The following TNRC6A variants were observed in gnomAD, a reference collection of about 807,000 sequenced individuals.
The protein encoded by TNRC6A is trinucleotide repeat containing adaptor 6A.
Under a neutral mutation model 221.2 loss-of-function variants are expected in TNRC6A, and 44 were observed. The ratio of observed to expected loss-of-function variants is 0.20; its 90% CI spans 0.16 to 0.26. The LOEUF is 0.26. TNRC6A is among the 10% of genes least tolerant of loss of function. TNRC6A has a pLI of 1.00. For synonymous variants in TNRC6A, 847 were observed against 838.5 expected (o/e 1.01, Z -0.18); for missense variants, 2,199 against 2,404.4 (o/e 0.91, Z 1.79).
intron 1 of TNRC6A, 122 bp downstream of exon 1, chr16:24,729,968 G>A (rs2056584260): frequency 2.2e-6 from 2 of 908,174 alleles, no homozygotes; most frequent in Non-Finnish European, 2.8e-6. Context: ...TTCGGGCCTC[G>A]GCGGGAGGGC....
intron 4 of TNRC6A, among the ~76,000 whole-genome samples, chr16:24,760,796 A>G (rs2057347188): frequency 6.6e-6 from 1 of 152,190 alleles, no homozygotes; most frequent in Non-Finnish European, 1.5e-5. Context: ...GACTTCTCAT[A>G]TACGCTTCAT....
At chr16:24,697,069 C>T (rs2055880089) in intron 2 of TNRC6A, among the ~76,000 whole-genome samples, 1 of 152,100 alleles carries the variant, frequency 6.6e-6, no homozygotes, top group African/African-American at 2.4e-5. Flanking sequence ...TTTCAGAAAG[C>T]TAGGAGGATT....
At chr16:24,708,237 T>G (rs2056135457) in intron 2 of TNRC6A, among the ~76,000 whole-genome samples, 1 of 137,266 alleles carries the variant, frequency 7.3e-6, no homozygotes, top group African/African-American at 2.9e-5. Context: ...TTTGATTACA[T>G]GGATGAGTTT....
chr16:24,689,202 C>T (rs969850606), intron 2 of TNRC6A, among the ~76,000 whole-genome samples: 3 of 152,188 alleles, frequency 2.0e-5, no homozygotes, highest in Non-Finnish European at 4.4e-5. Context: ...GGGTTGGCAT[C>T]CAACCACTTG....
chr16:24,760,722 T>G (rs553321214), intron 4 of TNRC6A, among the ~76,000 whole-genome samples: 3 of 150,028 alleles, frequency 2.0e-5, no homozygotes, highest in South Asian at 2.2e-4. Flanking sequence ...GGTGGTGGTG[T>G]TTACTAAACT....
chr16:24,739,462 G>C, intron 2 of TNRC6A, among the ~76,000 whole-genome samples: 1 of 146,152 alleles, frequency 6.8e-6, no homozygotes, highest in Non-Finnish European at 1.5e-5. Flanking sequence ...TTCCTATTTT[G>C]TGGCTTTTCC....
Position 24,822,858 on chromosome 16 carries a change from C to T in TNRC6A, c.5374-16C>T. ...CGGTGACGCCTCTCACTGGCAGTTTCCACACTGTTTCCTAGATCGATGGCT... is the reference window on the plus strand; with the variant it reads ...CGGTGACGCCTCTCACTGGCAGTTTTCACACTGTTTCCTAGATCGATGGCT... On this transcript the variant is annotated splice_polypyrimidine_tract_variant and intron_variant, in intron 23 of 24. Transcript: ENST00000395799. The T allele has an allele frequency of 6.2e-7, 1 of 1,612,730 alleles. No homozygotes were observed. The highest frequency in any genetic ancestry group is 2.2e-5 in the East Asian group (1 of 44,872).
chr16:24,731,886 C>G (rs1402519272), intron 2 of TNRC6A, among the ~76,000 whole-genome samples: 1 of 152,192 alleles, frequency 6.6e-6, no homozygotes, highest in Non-Finnish European at 1.5e-5. Flanking sequence ...ATAAAACGAG[C>G]GGCGTGGGCC....
intron 4 of TNRC6A, among the ~76,000 whole-genome samples, chr16:24,760,776 A>G (rs1266516981): frequency 6.6e-6 from 1 of 152,326 alleles, no homozygotes; most frequent in South Asian, 2.1e-4. Context: ...AGTTGGAAAG[A>G]TAGTACAGAG....
At chr16:24,649,827 T>C (rs1036960864) in intron 2 of TNRC6A, among the ~76,000 whole-genome samples, 8 of 138,718 alleles carry the variant, frequency 5.8e-5, no homozygotes, top group Non-Finnish European at 1.1e-4. Context: ...TTTTTTTTTT[T>C]TTTTTTTTTT....
At chr16:24,805,530 A>G in intron 14 of TNRC6A, 75 bp from the exon 15 acceptor site, 1 of 1,574,990 alleles carries the variant, frequency 6.3e-7, no homozygotes, top group Non-Finnish European at 8.6e-7. Context: ...TCTATTGACA[A>G]CTGAAAACAC....
chr16:24,651,879 G>T (rs1043708160), intron 2 of TNRC6A, among the ~76,000 whole-genome samples: 3 of 149,940 alleles, frequency 2.0e-5, no homozygotes, highest in African/African-American at 7.4e-5. Context: ...AGGGAGGATC[G>T]CTTGAGGTCA....
chr16:24,624,043 A>G (rs552264586), intron 1 of TNRC6A, among the ~76,000 whole-genome samples: 1 of 151,896 alleles, frequency 6.6e-6, no homozygotes, highest in East Asian at 1.9e-4. Flanking sequence ...CACTGGCTGT[A>G]GGTCACATAC....
At position 24,777,029 on chromosome 16, in the gene TNRC6A, G is replaced by A. The variant is rs200261989; in HGVS notation, c.260G>A (p.Arg87Gln). The A allele has an allele frequency of 2.6e-5, 42 of 1,613,880 alleles. No homozygotes were observed. Among genetic ancestry groups the A allele is most frequent in the African/African-American group, 2.3e-4 (17 of 74,972 alleles). Residue 87 changes from arginine (R) to glutamine (Q), a missense_variant, in exon 5 of 25, where the codon CGA becomes CAA. Transcript: ENST00000395799. ...ACCAGCACTAATAATAATGCCAAGC[G>A]AGCTACAGCCAACAATCAGCAGCCA... ...TATSTNNNAK[R>Q]ATANNQQPQQ...
chr16:24,610,847 G>T (rs888879866), intron 1 of TNRC6A, among the ~76,000 whole-genome samples: 3 of 151,366 alleles, frequency 2.0e-5, no homozygotes, highest in African/African-American at 7.3e-5. Context: ...ATCTCGCTCC[G>T]TCGCCCAGGC....
intron 20 of TNRC6A, among the ~76,000 whole-genome samples, chr16:24,818,250 G>A (rs1369413790): frequency 6.6e-6 from 1 of 152,144 alleles, no homozygotes; most frequent in African/African-American, 2.4e-5. Flanking sequence ...GGGCGAGTTA[G>A]CACCAAGACT....
chr16:24,665,536 A>G (rs908119517), intron 2 of TNRC6A, among the ~76,000 whole-genome samples: 2 of 152,226 alleles, frequency 1.3e-5, no homozygotes, highest in African/African-American at 4.8e-5. Flanking sequence ...AGTCATAACA[A>G]TAGTCTTGTT....
rs35474263 is a variant in TNRC6A, at chr16:24,791,026, C to A, written c.2384C>A (p.Ser795Tyr). 2.5e-3 allele frequency: 3,970 copies of A among 1,591,096 alleles called. 6 individuals carry two copies. Among genetic ancestry groups the A allele is most frequent in the Non-Finnish European group, 3.3e-3 (3,818 of 1,168,520 alleles). ...AAACCTGCTCTGAGGTGGGGAGATT[C>A]CAAAGGCTCAAACTGCCAGGGGGGG... Reference protein sequence around the residue: ...DPKPALRWGDSKGSNCQGGWE... With the variant: ...DPKPALRWGDYKGSNCQGGWE... The change falls in exon 6 of 25, where the codon TCC becomes TAC. Residue 795 changes from serine (S) to tyrosine (Y), a missense_variant. Ser to Tyr is a moderately radical substitution (Grantham distance 144). Around this residue, in one of 8 missense-constraint regions of TNRC6A, gnomAD observed 1,405 missense variants for 1,400.2 expected, o/e 1.00. Transcript: ENST00000395799.
chr16:24,713,417 A>AAAACAAAC (rs144445788), intron 2 of TNRC6A, among the ~76,000 whole-genome samples: 2 of 138,242 alleles, frequency 1.4e-5, no homozygotes, highest in Non-Finnish European at 1.5e-5. Flanking sequence ...AACTCTGTCT[A>AAAACAAAC]AAACAAACAA....
Sources: gnomAD v4.1 joint callset for allele counts (sites outside exome capture counted in the v4.1 genomes callset) on GRCh38, gnomAD v4.1.1 for gene constraint, gnomAD v4.1.1 regional missense constraint, MANE v1.5 for transcripts, NCBI Gene and HGNC (gene_info 2026-07-23, HGNC 2026-07-21) for gene names.